TNIP3: variants seen among roughly 807,000 people sequenced by gnomAD.
TNIP3 encodes the protein TNFAIP3-interacting protein 3.
In TNIP3, 34 loss-of-function variants were observed where a neutral mutation model predicts 54.1. The observed-to-expected ratio is 0.63, with a 90% confidence interval of 0.48 to 0.84. The LOEUF (loss-of-function observed/expected upper bound fraction) is 0.84, where lower values mean the gene tolerates loss of function less well. Among genes scored for constraint, TNIP3 ranks in the 40% least tolerant of loss-of-function variants. TNIP3 has a pLI of 0.00. For missense variants in TNIP3, 366 were observed against 387.6 expected (o/e 0.94, Z 0.47); for synonymous variants, 134 against 136.8 (o/e 0.98, Z 0.14).
chr4:121,148,610 C>T lies in TNIP3; in HGVS notation c.610-1436G>A, dbSNP rs559702410. 7.0e-4 allele frequency among the ~76,000 whole-genome samples: 106 copies of T among 152,268 alleles called. 1 individual carries two copies. The highest frequency in any genetic ancestry group is 2.4e-3 in the African/African-American group (98 of 41,560). On this transcript the variant is annotated intron_variant, in intron 6 of 10. Coordinates refer to ENST00000057513, the MANE Select transcript of TNIP3 (RefSeq NM_024873.6). ...CTGTGCATATTACCCTTATTCTCTT[C>T]GTCGGTTTATTTTTCAGCTATGTAT...
chr4:121,185,273 C>T (rs1477418689), intron 2 of TNIP3, among the ~76,000 whole-genome samples: 1 of 152,228 alleles, frequency 6.6e-6, no homozygotes, highest in African/African-American at 2.4e-5. Context: ...GCAGTTCCCA[C>T]TCCAGGCCTT....
At chr4:121,151,330 AT>A (rs776924526) in intron 5 of TNIP3, among the ~76,000 whole-genome samples, 1 of 152,210 alleles carries the variant, frequency 6.6e-6, no homozygotes, top group Non-Finnish European at 1.5e-5. Context: ...TTACTATATA[AT>A]ATGGTCATAA....
chr4:121,154,511 A>G (rs1560650401), intron 5 of TNIP3, 40 bp downstream of exon 5: 1 of 1,610,242 alleles, frequency 6.2e-7, no homozygotes, highest in Admixed American at 1.7e-5. Flanking sequence ...TTATGCAGGG[A>G]CTTCTCATTT....
At chr4:121,221,316 C>T (rs940655632), upstream of TNIP3, among the ~76,000 whole-genome samples, 8 of 152,076 alleles carry the variant, frequency 5.3e-5, no homozygotes, top group Non-Finnish European at 1.2e-4. Flanking sequence ...AGTTCCCTAT[C>T]AGTCATTTTA....
rs544584277 is a variant in TNIP3, at chr4:121,208,571, A to C, written c.68+7844T>G. 2.0e-5 allele frequency among the ~76,000 whole-genome samples: 3 copies of C among 152,328 alleles called. No homozygotes were observed. The East Asian group carries it at 5.8e-4, about 29-fold the overall frequency. On this transcript the variant is annotated intron_variant, in intron 2 of 12. Transcript: ENST00000507879. The stretch of plus-strand genomic sequence containing the variant: ...ATTTTCAGGGAGACAGATTTGAGTA[A>C]GAATAAAACTGGTCTCTCATTCAGC...
chr4:121,183,265 T>C (rs953303719), intron 2 of TNIP3, among the ~76,000 whole-genome samples: 3 of 152,230 alleles, frequency 2.0e-5, no homozygotes, highest in Admixed American at 6.5e-5. Flanking sequence ...TTCTACAGTC[T>C]GCCTCAACCA....
intron 10 of TNIP3, among the ~76,000 whole-genome samples, chr4:121,135,458 C>T (rs899599793): frequency 2.6e-5 from 4 of 152,184 alleles, no homozygotes; most frequent in African/African-American, 7.2e-5. Context: ...AGCGCAGTGG[C>T]GTGATCTCAC....
At chr4:121,139,769 G>C (rs1432151608) in intron 9 of TNIP3, among the ~76,000 whole-genome samples, 1 of 152,102 alleles carries the variant, frequency 6.6e-6, no homozygotes, top group African/African-American at 2.4e-5. Context: ...AAGAGGAAAT[G>C]AGATCACCTC....
intron 6 of TNIP3, among the ~76,000 whole-genome samples, chr4:121,149,698 G>A (rs1199694242): frequency 1.3e-5 from 2 of 152,144 alleles, no homozygotes; most frequent in South Asian, 2.1e-4. Flanking sequence ...CTTGGGAGGC[G>A]GAAGTTGCGG....
intron 5 of TNIP3, among the ~76,000 whole-genome samples, chr4:121,152,354 C>T (rs957970314): frequency 2.6e-5 from 4 of 152,064 alleles, no homozygotes; most frequent in African/African-American, 4.8e-5. Context: ...TTAAATAAGA[C>T]AAAAATCTAC....
Position 121,197,753 on chromosome 4 carries a change from C to T in TNIP3, c.69-14957G>A, listed in dbSNP as rs574046079. Among the ~76,000 whole-genome samples, 42 of 152,194 alleles carry T rather than the reference C, an allele frequency of 2.8e-4. No individual in the cohort carries two copies. The South Asian group carries it at 8.7e-3, about 32-fold the overall frequency. On this transcript the variant is annotated intron_variant, in intron 2 of 12. Coordinates refer to the TNIP3 transcript ENST00000507879. ...ATTTGGGGGCAAATTTAGAAATCCT[C>T]CTCAAAATACATTAGCCACCATGAA...
chr4:121,147,034 T>C lies in TNIP3; in HGVS notation c.735+15A>G, dbSNP rs767686114. Reference sequence around the variant, plus strand: ...ACATACATGCTGGCAAAGATTATTTTGTTTTGACTTGTACCTGGGAATTCA... The same window carrying C: ...ACATACATGCTGGCAAAGATTATTTCGTTTTGACTTGTACCTGGGAATTCA... On this transcript the variant is annotated intron_variant, in intron 7 of 10. Transcript: ENST00000057513. 11 of 1,595,536 alleles carry C rather than the reference T, an allele frequency of 6.9e-6. No individual in the cohort carries two copies. Among genetic ancestry groups the C allele is most frequent in the Non-Finnish European group, 9.4e-6 (11 of 1,174,092 alleles).
At chr4:121,201,590 C>T (rs928708527) in intron 2 of TNIP3, among the ~76,000 whole-genome samples, 5 of 152,104 alleles carry the variant, frequency 3.3e-5, no homozygotes, top group African/African-American at 1.2e-4. Flanking sequence ...TCATGCAATA[C>T]ATGTCTGCAT....
chr4:121,138,145 C>G (rs1048753057), intron 10 of TNIP3: 1 of 358,454 alleles, frequency 2.8e-6, no homozygotes, highest in Non-Finnish European at 5.4e-6. Context: ...GTGGGCAACC[C>G]TGGCCTAAAC....
rs774341102 is a variant in TNIP3 at position 121,154,556 on chromosome 4, T to C, written c.487A>G (p.Asn163Asp). Residue 163 changes from asparagine to aspartate, a missense_variant, in exon 5 of 11, where the codon AAT becomes GAT. Asn to Asp is a conservative substitution (Grantham distance 23). Coordinates refer to ENST00000057513, the MANE Select transcript of TNIP3 (RefSeq NM_024873.6). ...ATGCTTGACCTGACTGATACCTTAT[T>C]GAGGCGTTTTATTTCACATTCGTAA... ...EHYECEIKRL[N>D]KALQDALNIK... The C allele has an allele frequency of 1.2e-6, 2 of 1,613,760 alleles. No individual in the cohort carries two copies. Among genetic ancestry groups the C allele is most frequent in the South Asian group, 2.2e-5 (2 of 91,030 alleles).
At chr4:121,162,497 G>A (rs1398069514) in intron 1 of TNIP3, among the ~76,000 whole-genome samples, 8 of 151,554 alleles carry the variant, frequency 5.3e-5, no homozygotes, top group Non-Finnish European at 8.8e-5. Context: ...GTTGGGGCCC[G>A]TAATTGGACC....
At chr4:121,187,419 A>T (rs764455591) in intron 2 of TNIP3, among the ~76,000 whole-genome samples, 1 of 152,210 alleles carries the variant, frequency 6.6e-6, no homozygotes, top group Non-Finnish European at 1.5e-5. Context: ...GAGGCTAAGC[A>T]GTGAGGCTAG....
chr4:121,208,982 C>T (rs1248942487), intron 2 of TNIP3, among the ~76,000 whole-genome samples: 1 of 152,122 alleles, frequency 6.6e-6, no homozygotes, highest in African/African-American at 2.4e-5. Flanking sequence ...TCCCCAATCT[C>T]CAGGAAGGGG....
Position 121,132,364 on chromosome 4 carries a change from T to C in TNIP3, c.*267A>G, listed in dbSNP as rs199658505. 103 of 432,522 alleles carry C rather than the reference T, an allele frequency of 2.4e-4. 1 individual carries two copies. Among genetic ancestry groups the C allele is most frequent in the African/African-American group, 2.0e-3 (101 of 49,634 alleles). 26.8% of individuals were successfully genotyped at this position (432,522 alleles called of 1,614,324 possible). On this transcript the variant is annotated 3_prime_UTR_variant, in exon 11 of 11. Transcript: ENST00000057513. The stretch of plus-strand genomic sequence containing the variant: ...ATATGCTGAAGAGATTTTCAGGGAG[T>C]CGTGCATCATCCATCTGCCAAGTCT...
Sources: gnomAD v4.1 joint callset for allele counts (sites outside exome capture counted in the v4.1 genomes callset) on GRCh38, gnomAD v4.1.1 for gene constraint, MANE v1.5 for transcripts, NCBI Gene and HGNC (gene_info 2026-07-23, HGNC 2026-07-21) for gene names.